The following FHIT variants were observed in gnomAD, a reference collection of about 807,000 sequenced individuals.
The protein encoded by FHIT is bis(5'-adenosyl)-triphosphatase.
FHIT carries 19 observed loss-of-function variants against 17.9 expected under a neutral mutation model. That is an observed-to-expected ratio of 1.06 (90% CI 0.74 to 1.56). The LOEUF (loss-of-function observed/expected upper bound fraction) is 1.56, where lower values mean the gene tolerates loss of function less well. FHIT is among the 40% of genes most tolerant of loss of function. The probability of loss-of-function intolerance (pLI) is 0.00; values close to 1 mark genes in which losing one functional copy is unlikely to be tolerated. For missense variants in FHIT, 248 were observed against 189.2 expected, an observed-to-expected ratio of 1.31 and a Z score of -1.82; for synonymous variants, 81 against 69.7, an observed-to-expected ratio of 1.16 and a Z score of -0.81.
At chr3:60,871,311 G>A (rs370951688) in intron 3 of FHIT, among the ~76,000 whole-genome samples, 1 of 152,006 alleles carries the variant, frequency 6.6e-6, no homozygotes, top group African/African-American at 2.4e-5. Context: ...TTCTGCTTCT[G>A]TTACATGACT....
At chr3:60,126,966 C>A (rs1705580364) in intron 5 of FHIT, among the ~76,000 whole-genome samples, 1 of 152,172 alleles carries the variant, frequency 6.6e-6, no homozygotes, top group Non-Finnish European at 1.5e-5. Context: ...ACCATCTCTG[C>A]CATTTTTCCT....
rs200934161 is a variant in FHIT, at chr3:60,226,493, A to AAAAAAAAAAAAAC, written c.104-212342_104-212341insGTTTTTTTTTTTT. ...GTCTCAAAAAAAAAAAAAAAAAAAA[A>AAAAAAAAAAAAAC]ACACTGCCTGCCTGCACTATACTAA... On this transcript the variant is annotated intron_variant, in intron 5 of 9. Transcript: ENST00000492590. Among the ~76,000 whole-genome samples, 224 of 147,030 alleles carry AAAAAAAAAAAAAC rather than the reference A, an allele frequency of 1.5e-3. 6 individuals carry two copies. The highest frequency in any genetic ancestry group is 4.3e-3 in the African/African-American group (162 of 37,694).
chr3:60,856,192 C>A (rs1703373762), intron 3 of FHIT, among the ~76,000 whole-genome samples: 1 of 152,034 alleles, frequency 6.6e-6, no homozygotes, highest in African/African-American at 2.4e-5. Context: ...AAAGTTGCTT[C>A]TTGCTAGACA....
intron 8 of FHIT, among the ~76,000 whole-genome samples, chr3:59,835,961 G>A (rs1024308503): frequency 6.6e-6 from 1 of 152,124 alleles, no homozygotes; most frequent in African/African-American, 2.4e-5. Context: ...GGAGGGGATG[G>A]TTCCCAAATG....
chr3:61,125,537 A>T (rs1054967646), intron 2 of FHIT, among the ~76,000 whole-genome samples: 4 of 152,196 alleles, frequency 2.6e-5, no homozygotes, highest in Non-Finnish European at 4.4e-5. Context: ...AACTCTCTAG[A>T]AGTAAATGTC....
At chr3:60,860,125 T>A (rs542282960) in intron 3 of FHIT, among the ~76,000 whole-genome samples, 1 of 147,668 alleles carries the variant, frequency 6.8e-6, no homozygotes, top group East Asian at 2.0e-4. Flanking sequence ...ATATAAATGA[T>A]ATATCTGATA....
At chr3:59,767,172 T>C (rs534472773) in intron 8 of FHIT, among the ~76,000 whole-genome samples, 8 of 152,174 alleles carry the variant, frequency 5.3e-5, no homozygotes, top group African/African-American at 1.9e-4. Context: ...AAAATGCAGA[T>C]AAACCACAAG....
At chr3:59,826,412 C>T (rs1367242280) in intron 8 of FHIT, among the ~76,000 whole-genome samples, 1 of 152,224 alleles carries the variant, frequency 6.6e-6, no homozygotes, top group African/African-American at 2.4e-5. Flanking sequence ...CTTTTCACCT[C>T]CTAGCCTAAT....
At chr3:60,276,726 G>C (rs983744489) in intron 5 of FHIT, among the ~76,000 whole-genome samples, 3 of 152,148 alleles carry the variant, frequency 2.0e-5, no homozygotes, top group African/African-American at 7.2e-5. Flanking sequence ...ACTAGCATCT[G>C]TTTGGCCTCT....
chr3:60,011,961 C>A (rs1263270653), intron 6 of FHIT, among the ~76,000 whole-genome samples: 2 of 152,172 alleles, frequency 1.3e-5, no homozygotes, highest in African/African-American at 2.4e-5. Flanking sequence ...TGGGCAAACT[C>A]ACCAAGTCAC....
At chr3:60,052,210 G>A (rs899984115) in intron 5 of FHIT, among the ~76,000 whole-genome samples, 2 of 152,038 alleles carry the variant, frequency 1.3e-5, no homozygotes, top group African/African-American at 4.8e-5. Flanking sequence ...TAAGAACCAA[G>A]AACACCAGAA....
chr3:59,864,014 C>G (rs994098272), intron 8 of FHIT, among the ~76,000 whole-genome samples: 8 of 152,144 alleles, frequency 5.3e-5, no homozygotes, highest in Non-Finnish European at 1.2e-4. Flanking sequence ...TAGGTGGAAG[C>G]CTTTATGAGT....
At chr3:60,044,052 T>C (rs2106846242) in intron 5 of FHIT, among the ~76,000 whole-genome samples, 1 of 152,344 alleles carries the variant, frequency 6.6e-6, no homozygotes, top group Admixed American at 6.5e-5. Flanking sequence ...TTAAATGTTG[T>C]AAGTCAAAAC....
intron 8 of FHIT, among the ~76,000 whole-genome samples, chr3:59,830,550 G>A (rs1701129177): frequency 6.6e-6 from 1 of 152,118 alleles, no homozygotes; most frequent in Non-Finnish European, 1.5e-5. Context: ...AAAATCTTTG[G>A]GATTTTGCAG....
At chr3:59,874,192 A>G (rs758854985) in intron 8 of FHIT, among the ~76,000 whole-genome samples, 1 of 152,162 alleles carries the variant, frequency 6.6e-6, no homozygotes, top group Non-Finnish European at 1.5e-5. Context: ...TCTAACCCCA[A>G]ATGCCTCAAA....
intron 3 of FHIT, among the ~76,000 whole-genome samples, chr3:60,833,536 A>G (rs782241023): frequency 6.6e-6 from 1 of 152,056 alleles, no homozygotes; most frequent in East Asian, 1.9e-4. Context: ...CTTCTCCTCT[A>G]TGATTTTTGT....
intron 4 of FHIT, among the ~76,000 whole-genome samples, chr3:60,683,277 C>T (rs1553697383): frequency 2.6e-5 from 4 of 152,164 alleles, no homozygotes; most frequent in African/African-American, 9.7e-5. Context: ...GGGTAAAATG[C>T]TGGCAAACAG....
At chr3:60,880,434 T>G (rs1470514098) in intron 3 of FHIT, among the ~76,000 whole-genome samples, 1 of 152,204 alleles carries the variant, frequency 6.6e-6, no homozygotes, top group African/African-American at 2.4e-5. Context: ...CACAAAAGTA[T>G]AAAACTCACT....
At chr3:60,411,427 T>C (rs971837539) in intron 5 of FHIT, among the ~76,000 whole-genome samples, 3 of 152,142 alleles carry the variant, frequency 2.0e-5, no homozygotes, top group African/African-American at 4.8e-5. Context: ...TAACCCTACA[T>C]TAGGGGAGAA....
Sources: gnomAD v4.1 joint callset for allele counts (sites outside exome capture counted in the v4.1 genomes callset) on GRCh38, gnomAD v4.1.1 for gene constraint, MANE v1.5 for transcripts, NCBI Gene and HGNC (gene_info 2026-07-23, HGNC 2026-07-21) for gene names.